SH3D19: variants seen among roughly 807,000 people sequenced by gnomAD.
SH3D19 encodes the protein SH3 domain-containing protein 19.
In SH3D19, 58 loss-of-function variants were observed where a neutral mutation model predicts 112.1. The observed-to-expected ratio is 0.52, with a 90% CI of 0.42 to 0.64. The LOEUF is 0.64. Among genes scored for constraint, SH3D19 ranks in the 30% least tolerant of loss-of-function variants. SH3D19 has a pLI of 0.00. For missense variants in SH3D19, 1,090 were observed against 1,263.4 expected (o/e 0.86, Z 2.08); for synonymous variants, 391 against 448.5 (o/e 0.87, Z 1.62).
At chr4:151,157,002 T>A (rs935877676) in intron 9 of SH3D19, among the ~76,000 whole-genome samples, 1 of 151,924 alleles carries the variant, frequency 6.6e-6, no homozygotes, top group African/African-American at 2.4e-5. Flanking sequence ...AATGGGCAAA[T>A]AAACTTTGGG....
intron 2 of SH3D19, among the ~76,000 whole-genome samples, chr4:151,189,015 C>T (rs1194714052): frequency 6.6e-6 from 1 of 152,188 alleles, no homozygotes; most frequent in Non-Finnish European, 1.5e-5. Context: ...AAGAAATCAC[C>T]TATGAGTTTC....
chr4:151,235,244 C>T (rs1030224765), intron 1 of SH3D19, among the ~76,000 whole-genome samples: 16 of 152,092 alleles, frequency 1.1e-4, no homozygotes, highest in African/African-American at 3.6e-4. Context: ...TGTGTCCATG[C>T]GTACTCAATG....
intron 7 of SH3D19, among the ~76,000 whole-genome samples, chr4:151,169,582 T>C (rs562387906): frequency 6.6e-6 from 1 of 152,330 alleles, no homozygotes; most frequent in Non-Finnish European, 1.5e-5. Context: ...GTAAGTTCAC[T>C]TTTTATGTCT....
chr4:151,167,526 T>C (rs1758251843), intron 7 of SH3D19, among the ~76,000 whole-genome samples: 1 of 152,162 alleles, frequency 6.6e-6, no homozygotes, highest in South Asian at 2.1e-4. Flanking sequence ...GATCATTTTA[T>C]ATCAATTTCT....
At chr4:151,270,170 A>G (rs868165983) in intron 1 of SH3D19, among the ~76,000 whole-genome samples, 1 of 152,164 alleles carries the variant, frequency 6.6e-6, no homozygotes, top group Non-Finnish European at 1.5e-5. Context: ...ATCAGGTATT[A>G]TGTTGATATA....
intron 13 of SH3D19, among the ~76,000 whole-genome samples, chr4:151,138,386 T>A (rs1752275723): frequency 6.6e-6 from 1 of 152,096 alleles, no homozygotes; most frequent in South Asian, 2.1e-4. Context: ...AAGGGCATTT[T>A]AAAAATTATT....
In SH3D19 at chr4:151,174,407, A is replaced by T. The variant is rs78735148; in HGVS notation, c.1534+263T>A. ...CTTACTTCTGGCTCATATAATAGTA[A>T]TCGATGCATGTGTCTCCCCATTTCT... On this transcript the variant is annotated intron_variant, in intron 7 of 19. Transcript: ENST00000604030. 1.2e-4 allele frequency among the ~76,000 whole-genome samples: 18 copies of T among 152,298 alleles called. No homozygotes were observed. The East Asian group carries it at 3.1e-3, about 26-fold the overall frequency.
At position 151,267,177 on chromosome 4, in the gene SH3D19, T is replaced by TAA. The variant is rs200483894; in HGVS notation, c.113-41093_113-41092dup. On this transcript the variant is annotated intron_variant, in intron 1 of 19. Transcript: ENST00000604030. ...CTCTCTAAAAAAAAAAAAAAATAAA[T>TAA]AAAATAAATTAGTCTAGCATAGTGG... Among the ~76,000 whole-genome samples, 3 of 120,396 alleles carry TAA rather than the reference T, an allele frequency of 2.5e-5. No homozygotes were observed. In the East Asian group the frequency reaches 7.0e-4, roughly 28 times the overall value. The allele number at this position is 120,396 out of a possible 152,430, so 79.0% of individuals were successfully genotyped here. A position where few individuals can be genotyped will look rare whatever the true frequency, so the allele number is the denominator to read the frequency against.
rs571071798 is a variant in SH3D19 at position 151,241,535 on chromosome 4, A to G, written c.113-15449T>C. 6.9e-5 allele frequency among the ~76,000 whole-genome samples: 10 copies of G among 145,486 alleles called. No homozygotes were observed. In the South Asian group the frequency reaches 1.7e-3, roughly 24 times the overall value. ...GATGACTGCACAACTCTGTGAATAC[A>G]CTAAAAACCACTTTATTTATTTATT... On this transcript the variant is annotated intron_variant, in intron 1 of 19. Transcript: ENST00000604030.
chr4:151,185,720 G>A (rs1165692839), intron 3 of SH3D19, among the ~76,000 whole-genome samples: 1 of 152,160 alleles, frequency 6.6e-6, no homozygotes, highest in African/African-American at 2.4e-5. Flanking sequence ...CACTGGAATT[G>A]TTCAAATGCA....
chr4:151,244,972 G>C (rs750480272), intron 1 of SH3D19, among the ~76,000 whole-genome samples: 5 of 151,918 alleles, frequency 3.3e-5, no homozygotes, highest in Non-Finnish European at 4.4e-5. Flanking sequence ...GTGAAATCTC[G>C]TATCTACTAA....
intron 1 of SH3D19, among the ~76,000 whole-genome samples, chr4:151,245,092 C>T (rs13137979): frequency 0.42 from 63,766 of 151,624 alleles, 13,640 homozygotes; most frequent in Middle Eastern, 0.49. Flanking sequence ...TGCAGTGAGC[C>T]GAGATCACGC....
At position 151,121,990 on chromosome 4, in the gene SH3D19, T is replaced by C; in HGVS notation, c.*101A>G. The C allele has an allele frequency of 1.5e-6, 1 of 686,826 alleles. No individual in the cohort carries two copies. Among genetic ancestry groups the C allele is most frequent in the East Asian group, 2.5e-5 (1 of 39,956 alleles). The allele number at this position is 686,826 out of a possible 1,614,324, so 42.5% of individuals were successfully genotyped here. On this transcript the variant is annotated 3_prime_UTR_variant, in exon 20 of 20. Transcript: ENST00000604030. The stretch of plus-strand genomic sequence containing the variant: ...TAGTGTACCATGTACAGCTTAGATA[T>C]TTCTTTTTCAGTTAAAAAAAATAGT...
chr4:151,276,220 T>C (rs1015006691), intron 1 of SH3D19, among the ~76,000 whole-genome samples: 2 of 152,230 alleles, frequency 1.3e-5, no homozygotes, highest in Non-Finnish European at 2.9e-5. Context: ...AACATTTTAA[T>C]AGTTCATTGA....
At chr4:151,209,796 G>A (rs974425273) in intron 2 of SH3D19, among the ~76,000 whole-genome samples, 2 of 152,158 alleles carry the variant, frequency 1.3e-5, no homozygotes, top group African/African-American at 4.8e-5. Context: ...GCTTCAGAAA[G>A]GCCTCTGAAA....
chr4:151,164,643 G>A (rs191444048), intron 8 of SH3D19, among the ~76,000 whole-genome samples: 62 of 150,560 alleles, frequency 4.1e-4, no homozygotes, highest in African/African-American at 1.4e-3. Context: ...GCAGTGGCAC[G>A]ATCTCGGCTC....
rs371516037 is a variant in SH3D19, at chr4:151,174,946, G to C, written c.1258C>G (p.Pro420Ala). Residue 420 changes from proline to alanine, a missense_variant, in exon 7 of 20, where the codon CCG becomes GCG. Transcript: ENST00000604030. ...GATTTCTTCAGCAGCAAAGGCCGCG[G>C]GGCAGGAGTTGGCACTTTCTTCCCA... Reference protein sequence around the residue: ...DSGKKVPTPAPRPLLLKKSVS... With the variant: ...DSGKKVPTPAARPLLLKKSVS... 399 of 1,613,976 alleles carry C rather than the reference G, an allele frequency of 2.5e-4. 1 individual carries two copies. The Middle Eastern group carries it at 3.1e-3, about 13-fold the overall frequency.
chr4:151,180,597 G>A (rs1465819068), intron 3 of SH3D19, among the ~76,000 whole-genome samples: 1 of 150,802 alleles, frequency 6.6e-6, no homozygotes, highest in Non-Finnish European at 1.5e-5. Context: ...TAGTAGATAC[G>A]GGGTTTCACC....
intron 1 of SH3D19, among the ~76,000 whole-genome samples, chr4:151,275,126 G>T (rs534161144): frequency 1.3e-5 from 2 of 149,758 alleles, no homozygotes; most frequent in African/African-American, 4.9e-5. Context: ...TTGCTCTGTC[G>T]CCCAGGCTGG....
Sources: gnomAD v4.1 joint callset for allele counts (sites outside exome capture counted in the v4.1 genomes callset) on GRCh38, gnomAD v4.1.1 for gene constraint, MANE v1.5 for transcripts, NCBI Gene and HGNC (gene_info 2026-07-23, HGNC 2026-07-21) for gene names.